Variants in BTN2A1 observed in about 807,000 individuals in gnomAD.
BTN2A1 encodes butyrophilin, subfamily 2, member A1.
Under a neutral mutation model 34.5 loss-of-function variants are expected in BTN2A1, and 41 were observed. That is an observed-to-expected ratio of 1.19 (90% CI 0.93 to 1.54). The LOEUF (loss-of-function observed/expected upper bound fraction) is 1.54. Among genes scored for constraint, BTN2A1 ranks in the 40% most tolerant of loss-of-function variants. The pLI, the probability that BTN2A1 is intolerant of heterozygous loss-of-function variation, is 0.00. For missense variants in BTN2A1, 642 were observed against 662.0 expected (o/e 0.97, Z 0.33); for synonymous variants, 267 against 258.6 (o/e 1.03, Z -0.31).
At chr6:26,472,698 T>C (rs1763472300), downstream of BTN2A1, among the ~76,000 whole-genome samples, 1 of 152,168 alleles carries the variant, frequency 6.6e-6, no homozygotes, top group African/African-American at 2.4e-5. Context: ...TTATAGCTTA[T>C]ACCCACGTTC....
chr6:26,465,904 T>A (rs765897654), intron 5 of BTN2A1, 49 bp from the exon 6 acceptor site: 15 of 1,613,422 alleles, frequency 9.3e-6, no homozygotes, highest in East Asian at 4.5e-5. Flanking sequence ...AAACCCAACT[T>A]CTTTTAGTTC....
In BTN2A1 at chr6:26,459,617, C is replaced by T. The variant is rs753825543; in HGVS notation, c.219C>T (p.Pro73=). ...GGTGGTTCCGGTCTCAGTTCTCCCC[C>T]GCAGTGTTTGTGTATAAAGGTGGCA... is the stretch of plus-strand genomic sequence containing the variant. ...EVRWFRSQFS[P]AVFVYKGGRE... is the part of the protein sequence containing the mutation. Residue 73 remains proline (P), a synonymous_variant, in exon 3 of 8, where the codon CCC becomes CCT. Transcript: ENST00000312541. 6 of 1,614,010 alleles carry T rather than the reference C, an allele frequency of 3.7e-6. No individual in the cohort carries two copies. The highest frequency in any genetic ancestry group is 4.5e-5 in the East Asian group (2 of 44,870).
At position 26,475,930 on chromosome 6, in the gene BTN2A1, A is replaced by C. The variant is rs553392207; in HGVS notation, c.983-192A>C. Among the ~76,000 whole-genome samples, 128 of 152,256 alleles carry C rather than the reference A, an allele frequency of 8.4e-4. 2 individuals are homozygous for C. Among genetic ancestry groups the C allele is most frequent in the African/African-American group, 3.0e-3 (125 of 41,544 alleles). ...TTTACATGAATCCAGTGCAGGCAGC[A>C]TCTCAGGGGAGGGAGGAGTCTATTT... On this transcript the variant is annotated intron_variant, in intron 7 of 7. Coordinates refer to the BTN2A1 transcript ENST00000469185.
chr6:26,468,291 T>C lies in BTN2A1; in HGVS notation c.1326T>C (p.Pro442=). 6.2e-7 allele frequency: 1 copy of C among 1,614,190 alleles called. No homozygotes were observed. The highest frequency in any genetic ancestry group is 8.5e-7 in the Non-Finnish European group (1 of 1,180,028). ...RAVSSPDRIL[P]LKESLCRVGV... The stretch of plus-strand genomic sequence containing the variant: ...TGTCCTCCCCTGATAGGATTCTCCC[T>C]TTGAAGGAGTCCCTTTGCCGGGTGG... The change falls in exon 8 of 8, where the codon CCT becomes CCC. Residue 442 remains proline, a synonymous_variant. Coordinates refer to ENST00000312541, the MANE Select transcript of BTN2A1 (RefSeq NM_007049.5).
chr6:26,471,278 A>G (rs1414899300), downstream of BTN2A1, among the ~76,000 whole-genome samples: 1 of 152,222 alleles, frequency 6.6e-6, no homozygotes, highest in Admixed American at 6.5e-5. Flanking sequence ...TAAACAACCA[A>G]AATTTTTTTT....
In BTN2A1 at chr6:26,469,438, T is replaced by A; in HGVS notation, c.*889T>A. 1.4e-6 allele frequency: 1 copy of A among 696,674 alleles called. No individual in the cohort carries two copies. Among genetic ancestry groups the A allele is most frequent in the Non-Finnish European group, 1.8e-6 (1 of 566,756 alleles). The allele number at this position is 696,674 out of a possible 1,614,324, so 43.2% of individuals were successfully genotyped here. ...TTGGGTTAATATTTGTTGGTATTTA[T>A]GGCATTTGAGATTGAAACTAAGAAA... On this transcript the variant is annotated 3_prime_UTR_variant, in exon 8 of 8. Transcript: ENST00000312541.
Position 26,468,569 on chromosome 6 carries a change from C to T in BTN2A1, c.*20C>T, listed in dbSNP as rs199776599. 1.9e-6 allele frequency: 3 copies of T among 1,614,172 alleles called. No homozygotes were observed. The highest frequency in any genetic ancestry group is 1.7e-5 in the Admixed American group (1 of 60,022). On this transcript the variant is annotated 3_prime_UTR_variant, in exon 8 of 8. Transcript: ENST00000312541. ...CTATAGAATCAATTCCTTGGTCTCA[C>T]AGCCATGTAGACAAGCCCTGGTCAT... is the stretch of plus-strand genomic sequence containing the variant.
downstream of BTN2A1, among the ~76,000 whole-genome samples, chr6:26,470,680 C>G (rs989804964): frequency 6.6e-6 from 1 of 152,178 alleles, no homozygotes; most frequent in African/African-American, 2.4e-5. Context: ...CTCTCTCTCT[C>G]TCTGTCTCTC....
chr6:26,460,340 G>C (rs1327902570), intron 3 of BTN2A1, among the ~76,000 whole-genome samples: 1 of 152,076 alleles, frequency 6.6e-6, no homozygotes, highest in Non-Finnish European at 1.5e-5. Context: ...CTTATTTCTT[G>C]ATAAATATTA....
chr6:26,472,741 A>G (rs1763473092), downstream of BTN2A1, among the ~76,000 whole-genome samples: 1 of 152,068 alleles, frequency 6.6e-6, no homozygotes, highest in Non-Finnish European at 1.5e-5. Context: ...CATGCCCAAG[A>G]AGAATGAGGA....
At chr6:26,474,270 A>T (rs1204680958), downstream of BTN2A1, among the ~76,000 whole-genome samples, 1 of 152,228 alleles carries the variant, frequency 6.6e-6, no homozygotes, top group Non-Finnish European at 1.5e-5. Flanking sequence ...CCTGCAGCCA[A>T]GTGATCAGAC....
At position 26,459,541 on chromosome 6, in the gene BTN2A1, C is replaced by T. The variant is rs139118294; in HGVS notation, c.143C>T (p.Thr48Met). ...PILATVGENTTLRCHLSPEKN... is the reference protein window; with the variant it reads ...PILATVGENTMLRCHLSPEKN... ...TTGGCCACGGTTGGAGAAAACACTA[C>T]GTTACGCTGCCATCTGTCACCCGAG... Residue 48 changes from threonine to methionine, a missense_variant, in exon 3 of 8, where the codon ACG becomes ATG. Thr to Met is a moderately conservative substitution (Grantham distance 81, BLOSUM62 -1). Coordinates refer to ENST00000312541, the MANE Select transcript of BTN2A1 (RefSeq NM_007049.5). The T allele has an allele frequency of 1.6e-4, 258 of 1,613,994 alleles. No homozygotes were observed. In the East Asian group the frequency reaches 4.3e-3, roughly 27 times the overall value.
downstream of BTN2A1, among the ~76,000 whole-genome samples, chr6:26,470,638 C>G (rs548751863): frequency 6.6e-6 from 1 of 152,226 alleles, no homozygotes; most frequent in African/African-American, 2.4e-5. Context: ...GCTGTGAGCC[C>G]AACAGAGCAA....
At chr6:26,465,070 A>C in intron 4 of BTN2A1, 115 bp from the exon 5 acceptor site, 1 of 857,842 alleles carries the variant, frequency 1.2e-6, no homozygotes, top group African/African-American at 1.7e-5. Flanking sequence ...GAGTTTTCTG[A>C]GGGAGAAAGC....
chr6:26,470,927 T>C (rs6456727), downstream of BTN2A1, among the ~76,000 whole-genome samples: 45,633 of 151,978 alleles, frequency 0.3, 9,558 homozygotes, highest in African/African-American at 0.6. Context: ...ATTGCATGAG[T>C]CAATTCCCTT....
downstream of BTN2A1, among the ~76,000 whole-genome samples, chr6:26,472,818 C>T (rs1763474439): frequency 6.6e-6 from 1 of 152,154 alleles, no homozygotes; most frequent in African/African-American, 2.4e-5. Context: ...CAGCTCTCAG[C>T]AGAGAGGGGA....
chr6:26,466,035 A>T (rs781440378), intron 6 of BTN2A1, 27 bp from the exon 7 acceptor site: 13 of 1,614,234 alleles, frequency 8.1e-6, no homozygotes, highest in Admixed American at 3.3e-5. Context: ...ACATCTCATG[A>T]CATTCGTCTC....
At chr6:26,465,784 T>G (rs1207426116) in intron 5 of BTN2A1, 169 bp from the exon 6 acceptor site, 1 of 982,210 alleles carries the variant, frequency 1.0e-6, no homozygotes, top group East Asian at 1.1e-4. Context: ...GTGCTGGTAC[T>G]ACCCAGCCAC....
At chr6:26,461,278 C>T (rs114404335) in intron 3 of BTN2A1, among the ~76,000 whole-genome samples, 1 of 152,170 alleles carries the variant, frequency 6.6e-6, no homozygotes, top group Non-Finnish European at 1.5e-5. Context: ...AATTGGATTG[C>T]TTAGGACTTT....
Sources: gnomAD v4.1 joint callset for allele counts (sites outside exome capture counted in the v4.1 genomes callset) on GRCh38, gnomAD v4.1.1 for gene constraint, MANE v1.5 for transcripts, NCBI Gene and HGNC (gene_info 2026-07-23, HGNC 2026-07-21) for gene names.